GALNT10: variants seen among roughly 807,000 people sequenced by gnomAD.
GALNT10 encodes the protein GalNAc transferase 10.
Under a neutral mutation model 75.0 loss-of-function variants are expected in GALNT10, and 41 were observed. The observed-to-expected ratio is 0.55, with a 90% CI of 0.43 to 0.71. The LOEUF (loss-of-function observed/expected upper bound fraction) is 0.71, where lower values mean the gene tolerates loss of function less well. GALNT10 is among the 30% of genes least tolerant of loss of function. The probability of loss-of-function intolerance (pLI) is 0.00; values close to 1 mark genes in which losing one functional copy is unlikely to be tolerated. For synonymous variants in GALNT10, 302 were observed against 313.0 expected (o/e 0.96, Z 0.37); for missense variants, 727 against 818.5 (o/e 0.89, Z 1.36).
At chr5:154,360,760 C>T (rs1035526007) in intron 4 of GALNT10, among the ~76,000 whole-genome samples, 1 of 152,108 alleles carries the variant, frequency 6.6e-6, no homozygotes, top group Non-Finnish European at 1.5e-5. Flanking sequence ...TATTTCCTTT[C>T]ACAAGGAGAA....
chr5:154,218,174 C>G, intron 1 of GALNT10: 1 of 978,066 alleles, frequency 1.0e-6, no homozygotes, highest in African/African-American at 1.7e-5. Context: ...TTCTAACAAG[C>G]CTGGGGCACC....
chr5:154,400,333 T>C (rs1016601716), intron 7 of GALNT10, among the ~76,000 whole-genome samples: 1 of 152,128 alleles, frequency 6.6e-6, no homozygotes, highest in African/African-American at 2.4e-5. Flanking sequence ...CCTTACTGTG[T>C]GGTGCAGAGG....
At chr5:154,273,519 A>C (rs1459943838) in intron 1 of GALNT10, among the ~76,000 whole-genome samples, 1 of 152,186 alleles carries the variant, frequency 6.6e-6, no homozygotes, top group East Asian at 1.9e-4. Flanking sequence ...CCAGGAGCAT[A>C]ATGTCCAGTA....
intron 4 of GALNT10, among the ~76,000 whole-genome samples, chr5:154,331,791 G>C (rs1304303523): frequency 1.3e-5 from 2 of 152,108 alleles, no homozygotes; most frequent in African/African-American, 2.4e-5. Context: ...AACAGTCTCT[G>C]GTCTCAACCT....
At chr5:154,415,700 A>G (rs1756488942) in intron 10 of GALNT10, 83 bp from the exon 11 acceptor site, 1 of 1,283,908 alleles carries the variant, frequency 7.8e-7, no homozygotes, top group African/African-American at 1.9e-5. Flanking sequence ...CTGAGTTTAA[A>G]TTTTTCCATA....
chr5:154,205,276 G>A (rs1775089391), intron 1 of GALNT10, among the ~76,000 whole-genome samples: 1 of 152,204 alleles, frequency 6.6e-6, no homozygotes, highest in South Asian at 2.1e-4. Context: ...CTCAGTCCAC[G>A]TGGCTTCATT....
At position 154,190,905 on chromosome 5, in the gene GALNT10, G is replaced by T. The variant is rs770481366; in HGVS notation, c.39G>T (p.Ala13=). 1.4e-6 allele frequency: 2 copies of T among 1,472,040 alleles called. No individual in the cohort carries two copies. Among genetic ancestry groups the T allele is most frequent in the Non-Finnish European group, 9.0e-7 (1 of 1,109,586 alleles). The allele number at this position is 1,472,040 out of a possible 1,614,324, so 91.2% of individuals were successfully genotyped here. Reference sequence around the variant, plus strand: ...AGAAGCGGCTCCTGCAGGCGGTGGCGCTGGTGCTGGCGGCCCTGGTCCTCC... The same window carrying T: ...AGAAGCGGCTCCTGCAGGCGGTGGCTCTGGTGCTGGCGGCCCTGGTCCTCC... ...RKEKRLLQAV[A]LVLAALVLLP... The change falls in exon 1 of 12, where the codon GCG becomes GCT. Residue 13 remains alanine, a synonymous_variant. Coordinates refer to ENST00000297107, the MANE Select transcript of GALNT10 (RefSeq NM_198321.4).
chr5:154,350,113 T>C (rs1419571777), intron 4 of GALNT10, among the ~76,000 whole-genome samples: 2 of 152,184 alleles, frequency 1.3e-5, no homozygotes, highest in Non-Finnish European at 2.9e-5. Flanking sequence ...GCCGTGAACA[T>C]TTAGTCCCTG....
At chr5:154,269,220 G>A (rs754337331) in intron 1 of GALNT10, among the ~76,000 whole-genome samples, 2 of 151,836 alleles carry the variant, frequency 1.3e-5, no homozygotes, top group Non-Finnish European at 2.9e-5. Context: ...TCCTGACCTC[G>A]TGATCCGCCT....
chr5:154,211,494 T>C (rs1453253999), intron 1 of GALNT10, among the ~76,000 whole-genome samples: 1 of 152,246 alleles, frequency 6.6e-6, no homozygotes, highest in African/African-American at 2.4e-5. Context: ...TGTGAAACTG[T>C]GACTTTCCTG....
At chr5:154,254,488 G>A (rs1477717680) in intron 1 of GALNT10, among the ~76,000 whole-genome samples, 1 of 148,498 alleles carries the variant, frequency 6.7e-6, no homozygotes, top group Admixed American at 6.7e-5. Flanking sequence ...CCACAGAGGT[G>A]TTTCTTTTCT....
In GALNT10 at chr5:154,191,052, G is replaced by C. The variant is rs895607524; in HGVS notation, c.159+27G>C. The stretch of plus-strand genomic sequence containing the variant: ...TGAGTCCCCCCGTTGCTACAGGCCG[G>C]GAACACCCCCTTCCCGAATTCACTT... On this transcript the variant is annotated intron_variant, in intron 1 of 11. Coordinates refer to ENST00000297107, the MANE Select transcript of GALNT10 (RefSeq NM_198321.4). 4 of 1,373,650 alleles carry C rather than the reference G, an allele frequency of 2.9e-6. No homozygotes were observed. The East Asian group carries it at 8.9e-5, about 30-fold the overall frequency. 85.1% of individuals were successfully genotyped at this position (1,373,650 alleles called of 1,614,324 possible). A position where few individuals can be genotyped will look rare whatever the true frequency, so the allele number is the denominator to read the frequency against.
intron 6 of GALNT10, among the ~76,000 whole-genome samples, chr5:154,384,075 CATGAGAACTCACTCACT>C (rs1388013381): frequency 6.6e-6 from 1 of 152,164 alleles, no homozygotes; most frequent in Non-Finnish European, 1.5e-5. Context: ...CATCAGATCT[CATGAGAACTCACTCACT>C]ATCATGAGAA....
Position 154,416,016 on chromosome 5 carries a change from GC to G in GALNT10, c.1653+87del. The stretch of plus-strand genomic sequence containing the variant: ...GTGCTTCACCCCTTCTTTCAACAGA[GC>G]CCATCCACTTATTCATTTGTGCCAC... On this transcript the variant is annotated intron_variant, in intron 11 of 11. Transcript: ENST00000297107. The surrounding 1 kb of genome is among the most constrained non-coding windows in gnomAD (Gnocchi z 4.5). 8.0e-7 allele frequency: 1 copy of G among 1,255,240 alleles called. No individual in the cohort carries two copies. Among genetic ancestry groups the G allele is most frequent in the Non-Finnish European group, 1.1e-6 (1 of 891,082 alleles). 77.8% of individuals were successfully genotyped at this position (1,255,240 alleles called of 1,614,324 possible).
intron 1 of GALNT10, among the ~76,000 whole-genome samples, chr5:154,270,864 C>T (rs916391531): frequency 2.8e-4 from 42 of 151,918 alleles, no homozygotes; most frequent in Admixed American, 4.6e-4. Context: ...AGTGGTGGCG[C>T]ACACCTGTAG....
intron 2 of GALNT10, among the ~76,000 whole-genome samples, chr5:154,296,237 C>G (rs1754269734): frequency 6.6e-6 from 1 of 152,130 alleles, no homozygotes; most frequent in Admixed American, 6.5e-5. Context: ...CAGACCTGTG[C>G]CACCACACCA....
At chr5:154,403,442 T>C (rs1405572768) in intron 7 of GALNT10, among the ~76,000 whole-genome samples, 1 of 152,160 alleles carries the variant, frequency 6.6e-6, no homozygotes, top group Admixed American at 6.5e-5. Context: ...GATCCCACAC[T>C]GCGGCAAGAC....
intron 5 of GALNT10, among the ~76,000 whole-genome samples, chr5:154,377,710 C>A (rs962627404): frequency 2.6e-5 from 4 of 152,192 alleles, no homozygotes; most frequent in Non-Finnish European, 5.9e-5. Flanking sequence ...CAGCAAGGAA[C>A]TTTCTTATTA....
chr5:154,394,985 T>C (rs1039248368), intron 7 of GALNT10, among the ~76,000 whole-genome samples: 1 of 152,344 alleles, frequency 6.6e-6, no homozygotes, highest in Non-Finnish European at 1.5e-5. Context: ...CGGCAAGTCA[T>C]TTGAAATTCC....
Sources: gnomAD v4.1 joint callset for allele counts (sites outside exome capture counted in the v4.1 genomes callset) on GRCh38, gnomAD v4.1.1 for gene constraint, Gnocchi (gnomAD v3.1) non-coding constraint, MANE v1.5 for transcripts, NCBI Gene and HGNC (gene_info 2026-07-23, HGNC 2026-07-21) for gene names.